The following FRMD4A variants were observed in gnomAD, a reference collection of about 807,000 sequenced individuals.
FRMD4A encodes FERM domain containing 4A, also known as FERM domain-containing protein 4A.
A neutral mutation model predicts 129.1 loss-of-function variants in FRMD4A; 29 were observed. The observed-to-expected ratio is 0.22, with a 90% confidence interval of 0.17 to 0.31. The LOEUF (loss-of-function observed/expected upper bound fraction) is 0.31, where lower values mean the gene tolerates loss of function less well. FRMD4A is among the 10% of genes least tolerant of loss of function. FRMD4A has a pLI of 1.00. For missense variants in FRMD4A, 1,272 were observed against 1,375.8 expected (o/e 0.92, Z 1.19); for synonymous variants, 634 against 571.6 (o/e 1.11, Z -1.56).
chr10:13,654,331 T>TGACA (rs2081950752), intron 23 of FRMD4A, 85 bp downstream of exon 23: 1 of 906,004 alleles, frequency 1.1e-6, no homozygotes, highest in Non-Finnish European at 1.9e-6. Flanking sequence ...ATCCATTTAC[T>TGACA]GACATATCCT....
At chr10:13,929,129 T>A (rs573159822) in intron 2 of FRMD4A, among the ~76,000 whole-genome samples, 3 of 152,248 alleles carry the variant, frequency 2.0e-5, no homozygotes, top group Non-Finnish European at 4.4e-5. Flanking sequence ...ATTTGTGGGA[T>A]GGTAGCCTGC....
intron 2 of FRMD4A, among the ~76,000 whole-genome samples, chr10:14,269,853 G>A (rs1019912136): frequency 2.0e-5 from 3 of 152,144 alleles, no homozygotes; most frequent in African/African-American, 7.2e-5. Context: ...CAGCAGGACC[G>A]AACCAGCCCC....
At chr10:13,944,720 A>C (rs2095319245) in intron 2 of FRMD4A, among the ~76,000 whole-genome samples, 1 of 152,210 alleles carries the variant, frequency 6.6e-6, no homozygotes, top group South Asian at 2.1e-4. Flanking sequence ...TCTGCATACT[A>C]ATGCTGCCTC....
intron 2 of FRMD4A, among the ~76,000 whole-genome samples, chr10:13,982,035 C>T (rs942179736): frequency 2.0e-5 from 3 of 152,314 alleles, no homozygotes; most frequent in Admixed American, 6.5e-5. Flanking sequence ...TCTGGCCCCT[C>T]ATCCTCCCAC....
At chr10:13,859,008 T>G (rs1377753689) in intron 2 of FRMD4A, 96 bp from the exon 3 acceptor site, 2 of 776,676 alleles carry the variant, frequency 2.6e-6, no homozygotes. Context: ...CATATTCCTC[T>G]GGGCAAAACT....
rs1317729712 is a variant in FRMD4A, at chr10:13,879,707, C to T, written c.46-20795G>A. ...CTTTCTCTTCCTTTTCCTGCTCCTC[C>T]TCTTCCTCCCTTCTCCCTTCTCCCT... On this transcript the variant is annotated intron_variant, in intron 2 of 24. Coordinates refer to ENST00000357447, the MANE Select transcript of FRMD4A (RefSeq NM_018027.5). Among the ~76,000 whole-genome samples the T allele has an allele frequency of 5.3e-5, 8 of 149,654 alleles. No individual in the cohort carries two copies. In the Admixed American group the frequency reaches 5.4e-4, roughly 10 times the overall value.
chr10:14,164,432 C>T (rs1215101001), intron 2 of FRMD4A, among the ~76,000 whole-genome samples: 1 of 152,150 alleles, frequency 6.6e-6, no homozygotes, highest in Non-Finnish European at 1.5e-5. Flanking sequence ...CTGGTTTGTG[C>T]GGTGTCTACA....
At chr10:14,076,475 C>A (rs1835612242) in intron 2 of FRMD4A, among the ~76,000 whole-genome samples, 1 of 152,006 alleles carries the variant, frequency 6.6e-6, no homozygotes. Flanking sequence ...CCTGTCTCTA[C>A]TAAAAATACA....
rs143274194 is a variant in FRMD4A at position 13,656,719 on chromosome 10, G to A, written c.2870C>T (p.Ser957Leu). Residue 957 changes from serine to leucine, a missense_variant, in exon 22 of 25, where the codon TCG becomes TTG. Coordinates refer to ENST00000357447, the MANE Select transcript of FRMD4A (RefSeq NM_018027.5). ...GCTCTGGGAGGAGGTGCTGTACTGCGAGCCGCTGTCCGAGGAGGTGGAGCT... is the reference window on the plus strand; with the variant it reads ...GCTCTGGGAGGAGGTGCTGTACTGCAAGCCGCTGTCCGAGGAGGTGGAGCT... ...HTSSTSSDSG[S>L]QYSTSSQSTF... 52 of 1,588,544 alleles carry A rather than the reference G, an allele frequency of 3.3e-5. No homozygotes were observed. The highest frequency in any genetic ancestry group is 1.9e-4 in the Middle Eastern group (1 of 5,168).
intron 6 of FRMD4A, among the ~76,000 whole-genome samples, chr10:13,781,306 T>TAAAAAAAA (rs1253732948): frequency 4.7e-4 from 37 of 79,180 alleles, no homozygotes; most frequent in East Asian, 9.4e-4. Flanking sequence ...TCTTAAAAAT[T>TAAAAAAAA]AAAAAAAAAA....
At chr10:13,830,451 T>G (rs556114107) in intron 3 of FRMD4A, among the ~76,000 whole-genome samples, 1 of 152,276 alleles carries the variant, frequency 6.6e-6, no homozygotes, top group East Asian at 1.9e-4. Flanking sequence ...AACTATAGAC[T>G]CTGAATGAGC....
intron 2 of FRMD4A, among the ~76,000 whole-genome samples, chr10:14,194,879 C>A (rs1842429969): frequency 6.6e-6 from 1 of 151,842 alleles, no homozygotes; most frequent in Non-Finnish European, 1.5e-5. Context: ...TTATATTATT[C>A]TCTTCCAAAT....
intron 2 of FRMD4A, among the ~76,000 whole-genome samples, chr10:14,032,510 G>C (rs962298003): frequency 6.6e-6 from 1 of 152,166 alleles, no homozygotes; most frequent in African/African-American, 2.4e-5. Context: ...GTTGTACTTG[G>C]GAGAGTCTGT....
At chr10:14,128,050 T>C (rs1589036298) in intron 2 of FRMD4A, among the ~76,000 whole-genome samples, 3 of 17,162 alleles carry the variant, frequency 1.7e-4, no homozygotes, top group African/African-American at 8.0e-4. Flanking sequence ...CTTTCCCTCT[T>C]TCTTTCTTTC....
intron 15 of FRMD4A, among the ~76,000 whole-genome samples, chr10:13,683,426 A>C (rs2084789912): frequency 2.0e-5 from 3 of 151,960 alleles, no homozygotes; most frequent in South Asian, 4.1e-4. Context: ...CTGTAAAAAA[A>C]AAAAAACAAA....
intron 2 of FRMD4A, among the ~76,000 whole-genome samples, chr10:14,150,273 G>C (rs957846612): frequency 1.3e-5 from 2 of 152,144 alleles, no homozygotes; most frequent in Non-Finnish European, 2.9e-5. Context: ...GGAGACAAAA[G>C]AGCTTGGACA....
intron 2 of FRMD4A, among the ~76,000 whole-genome samples, chr10:13,877,153 G>T (rs980141136): frequency 1.3e-5 from 2 of 152,114 alleles, no homozygotes; most frequent in Non-Finnish European, 2.9e-5. Flanking sequence ...GCAGAAAATA[G>T]TATTCTAGAC....
chr10:13,722,224 G>A (rs1006692961), intron 12 of FRMD4A, among the ~76,000 whole-genome samples: 1 of 146,264 alleles, frequency 6.8e-6, no homozygotes, highest in Non-Finnish European at 1.5e-5. Flanking sequence ...ACTGGCCAGG[G>A]CTCTTTTTTT....
At chr10:14,077,375 G>A (rs1187046303) in intron 2 of FRMD4A, among the ~76,000 whole-genome samples, 1 of 152,184 alleles carries the variant, frequency 6.6e-6, no homozygotes, top group Non-Finnish European at 1.5e-5. Context: ...CCAAAAGCCT[G>A]ACTTCTTGGA....
Sources: gnomAD v4.1 joint callset for allele counts (sites outside exome capture counted in the v4.1 genomes callset) on GRCh38, gnomAD v4.1.1 for gene constraint, MANE v1.5 for transcripts, NCBI Gene and HGNC (gene_info 2026-07-23, HGNC 2026-07-21) for gene names.